The following PCDHA10 variants were observed in gnomAD, a reference collection of about 807,000 sequenced individuals.
PCDHA10 encodes the protein protocadherin alpha 10, also known as protocadherin alpha-10.
In PCDHA10, 45 loss-of-function variants were observed where a neutral mutation model predicts 61.2. The observed-to-expected ratio is 0.74, with a 90% CI of 0.58 to 0.94. The LOEUF (loss-of-function observed/expected upper bound fraction) is 0.94, where lower values mean the gene tolerates loss of function less well. Ranked by LOEUF, PCDHA10 falls within the 40% of genes least tolerant of loss-of-function variation. The probability of loss-of-function intolerance (pLI) is 0.00; values close to 1 mark genes in which losing one functional copy is unlikely to be tolerated. For missense variants in PCDHA10, 1,278 were observed against 1,236.2 expected, an observed-to-expected ratio of 1.03 and a Z score of -0.51; for synonymous variants, 602 against 548.8, an observed-to-expected ratio of 1.10 and a Z score of -1.35.
intron 1 of PCDHA10, among the ~76,000 whole-genome samples, chr5:140,920,594 C>G (rs1347372573): frequency 1.3e-5 from 2 of 152,176 alleles, no homozygotes; most frequent in Admixed American, 1.3e-4. Flanking sequence ...GCCTGTAATC[C>G]CAGCACTTTG....
chr5:140,881,463 T>C, intron 1 of PCDHA10: 1 of 599,796 alleles, frequency 1.7e-6, no homozygotes, highest in Non-Finnish European at 2.1e-6. Flanking sequence ...CCTTAGAGCA[T>C]TGTTGTGGCT....
At chr5:140,967,669 G>C in intron 1 of PCDHA10, 9 of 1,614,126 alleles carry the variant, frequency 5.6e-6, no homozygotes, top group Non-Finnish European at 7.6e-6. Flanking sequence ...GCTACACGTC[G>C]GACCGGGAGA....
At chr5:140,870,430 G>C (rs782773036) in intron 1 of PCDHA10, 6 of 1,614,226 alleles carry the variant, frequency 3.7e-6, no homozygotes, top group Non-Finnish European at 5.1e-6. Context: ...GGTATCCGTG[G>C]AGGTGGCCGA....
At chr5:140,861,739 G>A (rs2047048069) in intron 1 of PCDHA10, 3 of 159,798 alleles carry the variant, frequency 1.9e-5, no homozygotes, top group Admixed American at 1.3e-4. Context: ...CTTACATACT[G>A]TGCCGCAATG....
chr5:141,008,515 A>G (rs1430400139), intron 3 of PCDHA10, among the ~76,000 whole-genome samples: 1 of 152,126 alleles, frequency 6.6e-6, no homozygotes, highest in Non-Finnish European at 1.5e-5. Context: ...GTGTCTTCCA[A>G]TCAGACTCTT....
intron 1 of PCDHA10, among the ~76,000 whole-genome samples, chr5:140,949,632 T>C (rs932981591): frequency 2.6e-5 from 4 of 151,894 alleles, no homozygotes; most frequent in Non-Finnish European, 5.9e-5. Flanking sequence ...TCATGGCATA[T>C]TGCTTTTTGT....
chr5:140,947,539 C>G (rs144026826), intron 1 of PCDHA10, among the ~76,000 whole-genome samples: 3 of 151,678 alleles, frequency 2.0e-5, no homozygotes, highest in Admixed American at 2.0e-4. Context: ...TCAATTTCTA[C>G]AAAGAATTCC....
intron 1 of PCDHA10, chr5:140,876,150 C>A (rs782752906): frequency 5.0e-6 from 8 of 1,613,798 alleles, no homozygotes; most frequent in Non-Finnish European, 2.5e-6. Context: ...CAGGGTCTGT[C>A]CAGATTCAAA....
chr5:140,922,939 T>C (rs1206981483), intron 1 of PCDHA10, among the ~76,000 whole-genome samples: 1 of 152,172 alleles, frequency 6.6e-6, no homozygotes, highest in Non-Finnish European at 1.5e-5. Flanking sequence ...CTTCCAGCAA[T>C]GGAAATCCAG....
chr5:140,935,353 T>C (rs2090328143), intron 1 of PCDHA10, among the ~76,000 whole-genome samples: 1 of 152,184 alleles, frequency 6.6e-6, no homozygotes, highest in Non-Finnish European at 1.5e-5. Flanking sequence ...CAAATCCCAG[T>C]TTTCATTAAC....
intron 1 of PCDHA10, among the ~76,000 whole-genome samples, chr5:140,899,745 A>G: frequency 6.6e-6 from 1 of 152,214 alleles, no homozygotes; most frequent in Non-Finnish European, 1.5e-5. Flanking sequence ...GAATAGTTTC[A>G]GAAGGAATGG....
rs1554162252 is a variant in PCDHA10 at position 140,868,854 on chromosome 5, T to A, written c.2388+10418T>A. ...ACCCAAAACACGTGAAATTCTGTGG[T>A]GGTAAATGCAGTGCACAGTACTCAC... On this transcript the variant is annotated intron_variant, in intron 1 of 3. Coordinates refer to ENST00000307360, the MANE Select transcript of PCDHA10 (RefSeq NM_018901.4). 8.6e-6 allele frequency: 4 copies of A among 465,988 alleles called. 1 individual carries two copies. The highest frequency in any genetic ancestry group is 1.4e-5 in the Non-Finnish European group (4 of 277,116). The allele number at this position is 465,988 out of a possible 1,614,324, so 28.9% of individuals were successfully genotyped here. A position where few individuals can be genotyped will look rare whatever the true frequency, so the allele number is the denominator to read the frequency against.
chr5:140,984,644 C>T (rs969349039), intron 3 of PCDHA10, among the ~76,000 whole-genome samples: 20 of 152,136 alleles, frequency 1.3e-4, no homozygotes, highest in African/African-American at 4.3e-4. Context: ...CTGCCTTCTC[C>T]CTGTCCTTCT....
In PCDHA10 at chr5:140,858,432, G is replaced by A; in HGVS notation, c.2384G>A (p.Arg795Lys). The part of the protein sequence containing the change: ...EDQSIGGDHS[R>K]KPRQPNPDWR... ...CAGTCTATTGGAGGGGACCACTCTA[G>A]GAAGGTGGGTTATTACGTTTTCATT... Residue 795 changes from arginine to lysine, a missense_variant, in exon 1 of 4, where the codon AGG becomes AAG. By Grantham distance (26) the Arg-to-Lys change is conservative. Transcript: ENST00000307360. The A allele has an allele frequency of 6.5e-7, 1 of 1,546,306 alleles. No individual in the cohort carries two copies. The highest frequency in any genetic ancestry group is 1.9e-5 in the Admixed American group (1 of 51,564).
At chr5:140,937,944 G>T (rs2091858064) in intron 1 of PCDHA10, among the ~76,000 whole-genome samples, 1 of 151,532 alleles carries the variant, frequency 6.6e-6, no homozygotes. Flanking sequence ...TTTGATAATT[G>T]GCTTTTGTTG....
At chr5:140,890,112 T>C (rs2062493777) in intron 1 of PCDHA10, among the ~76,000 whole-genome samples, 1 of 152,184 alleles carries the variant, frequency 6.6e-6, no homozygotes, top group Non-Finnish European at 1.5e-5. Flanking sequence ...CTGGATTCAA[T>C]GATGTCACTT....
chr5:140,968,208 AC>A, intron 1 of PCDHA10: 1 of 1,614,022 alleles, frequency 6.2e-7, no homozygotes, highest in Non-Finnish European at 8.5e-7. Context: ...ATACAGGAGA[AC>A]AATTTGCCAG....
intron 1 of PCDHA10, among the ~76,000 whole-genome samples, chr5:140,971,604 A>G (rs2096487974): frequency 6.6e-6 from 1 of 152,160 alleles, no homozygotes; most frequent in Admixed American, 6.5e-5. Flanking sequence ...TACAGATGGC[A>G]GGAGAGTCCT....
chr5:140,885,469 C>T (rs1338782835), intron 1 of PCDHA10, among the ~76,000 whole-genome samples: 1 of 152,156 alleles, frequency 6.6e-6, no homozygotes, highest in Admixed American at 6.5e-5. Flanking sequence ...GATGGGCAAT[C>T]ACTTTGTGTC....
Sources: gnomAD v4.1 joint callset for allele counts (sites outside exome capture counted in the v4.1 genomes callset) on GRCh38, gnomAD v4.1.1 for gene constraint, MANE v1.5 for transcripts, NCBI Gene and HGNC (gene_info 2026-07-23, HGNC 2026-07-21) for gene names.